Variants in XKR9 observed in about 807,000 individuals in gnomAD.
The protein encoded by XKR9 is XK related 9.
XKR9 carries 32 observed loss-of-function variants against 32.0 expected under a neutral mutation model. That is an observed-to-expected ratio of 1.00 (90% CI 0.76 to 1.34). The LOEUF (loss-of-function observed/expected upper bound fraction) is 1.34. Ranked by LOEUF, XKR9 falls within the 40% of genes most tolerant of loss-of-function variation. XKR9 has a pLI of 0.00. For missense variants in XKR9, 546 were observed against 429.7 expected, an observed-to-expected ratio of 1.27 and a Z score of -2.39; for synonymous variants, 168 against 143.4, an observed-to-expected ratio of 1.17 and a Z score of -1.22.
the XKR9 span, among the ~76,000 whole-genome samples, chr8:70,995,932 T>A: frequency 3.1e-3 from 469 of 152,318 alleles, 1 homozygote; most frequent in African/African-American, 0.011. Flanking sequence ...CCCTCAATGA[T>A]CATTCCACCT....
chr8:70,729,586 A>G (rs1806593749), intron 4 of XKR9, among the ~76,000 whole-genome samples: 1 of 152,182 alleles, frequency 6.6e-6, no homozygotes, highest in Non-Finnish European at 1.5e-5. Flanking sequence ...CACCATTTAA[A>G]GAGGATCAAA....
chr8:70,761,040 A>G (rs1807301969), intron 2 of XKR9, among the ~76,000 whole-genome samples: 1 of 152,214 alleles, frequency 6.6e-6, no homozygotes, highest in African/African-American at 2.4e-5. Context: ...AAAAGACATG[A>G]TCTTATTCTT....
chr8:71,033,828 C>A, the XKR9 span, among the ~76,000 whole-genome samples: 1 of 152,142 alleles, frequency 6.6e-6, no homozygotes, highest in African/African-American at 2.4e-5. Context: ...TTTGAACTTT[C>A]CAGCCAACAG....
the XKR9 span, among the ~76,000 whole-genome samples, chr8:71,038,031 C>T: frequency 6.6e-6 from 1 of 152,112 alleles, no homozygotes; most frequent in African/African-American, 2.4e-5. Flanking sequence ...GTACTGAAAG[C>T]AGGTGTGTAT....
chr8:70,910,961 C>G, the XKR9 span, among the ~76,000 whole-genome samples: 1 of 152,196 alleles, frequency 6.6e-6, no homozygotes, highest in Non-Finnish European at 1.5e-5. Flanking sequence ...AGTCCAGCAC[C>G]TAGGGTCTGC....
the XKR9 span, among the ~76,000 whole-genome samples, chr8:70,855,721 C>T: frequency 1.3e-5 from 2 of 152,218 alleles, no homozygotes; most frequent in Non-Finnish European, 2.9e-5. Context: ...TAAGGGCAGC[C>T]AGAGAGAAAG....
At chr8:70,911,014 G>A in the XKR9 span, among the ~76,000 whole-genome samples, 1 of 152,146 alleles carries the variant, frequency 6.6e-6, no homozygotes, top group Non-Finnish European at 1.5e-5. Flanking sequence ...GACTCTGTCT[G>A]CTTCTTTTGC....
the XKR9 span, among the ~76,000 whole-genome samples, chr8:70,956,049 A>G: frequency 3.3e-5 from 5 of 152,156 alleles, no homozygotes; most frequent in Non-Finnish European, 7.4e-5. Context: ...AGCTCCCCAA[A>G]GGGTCGCAGC....
At chr8:70,838,652 C>T in the XKR9 span, among the ~76,000 whole-genome samples, 3 of 152,054 alleles carry the variant, frequency 2.0e-5, no homozygotes, top group Admixed American at 6.6e-5. Context: ...GCAAAGCAGT[C>T]CCATCTTTCT....
the XKR9 span, among the ~76,000 whole-genome samples, chr8:70,822,352 T>C: frequency 2.6e-5 from 4 of 152,044 alleles, no homozygotes; most frequent in Non-Finnish European, 5.9e-5. Flanking sequence ...ATCATAATTG[T>C]CATGGAAGAA....
chr8:71,001,449 C>T, the XKR9 span, among the ~76,000 whole-genome samples: 2 of 152,084 alleles, frequency 1.3e-5, no homozygotes, highest in Non-Finnish European at 1.5e-5. Flanking sequence ...TTTTTGTAGA[C>T]ACAGCATTTT....
chr8:70,879,848 C>T, the XKR9 span, among the ~76,000 whole-genome samples: 10 of 152,130 alleles, frequency 6.6e-5, no homozygotes, highest in Non-Finnish European at 1.3e-4. Flanking sequence ...ACCAATATCC[C>T]TGATGAACGT....
At chr8:70,759,985 C>T (rs1472837905) in intron 2 of XKR9, among the ~76,000 whole-genome samples, 1 of 152,136 alleles carries the variant, frequency 6.6e-6, no homozygotes, top group Non-Finnish European at 1.5e-5. Flanking sequence ...ATTTAGTGTT[C>T]TAACTTGTCT....
chr8:70,951,871 G>C, the XKR9 span, among the ~76,000 whole-genome samples: 7 of 91,538 alleles, frequency 7.6e-5, no homozygotes, highest in East Asian at 1.2e-3. Flanking sequence ...CATCATTGGG[G>C]GGGGGGTGGT....
intron 2 of XKR9, among the ~76,000 whole-genome samples, chr8:70,775,326 G>C: frequency 6.6e-6 from 1 of 151,858 alleles, no homozygotes; most frequent in Admixed American, 6.6e-5. Flanking sequence ...TTCTTGCATG[G>C]TTTCTTGAGT....
At chr8:71,005,060 G>C in the XKR9 span, among the ~76,000 whole-genome samples, 2 of 96,658 alleles carry the variant, frequency 2.1e-5, no homozygotes, top group Non-Finnish European at 4.6e-5. Context: ...GCCCAGGCTG[G>C]TCTTGAACTG....
chr8:70,942,678 G>A, the XKR9 span, among the ~76,000 whole-genome samples: 1 of 152,112 alleles, frequency 6.6e-6, no homozygotes, highest in South Asian at 2.1e-4. Flanking sequence ...AGACAAATTA[G>A]TCTTTCTAAA....
intron 3 of XKR9, among the ~76,000 whole-genome samples, chr8:70,694,978 G>A (rs1805208970): frequency 1.3e-5 from 2 of 152,132 alleles, no homozygotes; most frequent in South Asian, 4.1e-4. Flanking sequence ...CTGCTGGAGT[G>A]GGTTCACAAG....
chr8:70,700,856 C>G (rs952264739), intron 3 of XKR9, among the ~76,000 whole-genome samples: 1 of 152,232 alleles, frequency 6.6e-6, no homozygotes, highest in African/African-American at 2.4e-5. Context: ...AGCTTCCCAG[C>G]TGCTTTGTTT....
Sources: gnomAD v4.1 joint callset for allele counts (sites outside exome capture counted in the v4.1 genomes callset) on GRCh38, gnomAD v4.1.1 for gene constraint, MANE v1.5 for transcripts, NCBI Gene and HGNC (gene_info 2026-07-23, HGNC 2026-07-21) for gene names.